The following COMP variants were observed in gnomAD, a reference collection of about 807,000 sequenced individuals.
The protein encoded by COMP is cartilage oligomeric matrix protein (pseudoachondroplasia, epiphyseal dysplasia 1, multiple).
A neutral mutation model predicts 95.8 loss-of-function variants in COMP; 79 were observed. The observed-to-expected ratio is 0.82, with a 90% CI of 0.69 to 0.99. COMP has a LOEUF of 0.99. Among genes scored for constraint, COMP ranks in the 50% least tolerant of loss-of-function variants. COMP has a pLI of 0.00. For missense variants in COMP, 906 were observed against 1,076.1 expected, an observed-to-expected ratio of 0.84 and a Z score of 2.21; for synonymous variants, 438 against 433.9, an observed-to-expected ratio of 1.01 and a Z score of -0.12.
chr19:18,784,177 G>A lies in COMP; in HGVS notation c.2087+14C>T, dbSNP rs770349203. ...GTCCCCAGCCCAGCCCACCACAGAG[G>A]GTGGAGTCCCCACCTGATGTAGCCC... On this transcript the variant is annotated intron_variant, in intron 17 of 18. Coordinates refer to ENST00000222271, the MANE Select transcript of COMP (RefSeq NM_000095.3). The surrounding 1 kb of genome is among the most constrained non-coding windows in gnomAD (Gnocchi z 4.9). 2 of 1,612,980 alleles carry A rather than the reference G, an allele frequency of 1.2e-6. No individual in the cohort carries two copies. Among genetic ancestry groups the A allele is most frequent in the Non-Finnish European group, 1.7e-6 (2 of 1,179,990 alleles).
At position 18,783,854 on chromosome 19, in the gene COMP, C is replaced by T. The variant is rs142184651; in HGVS notation, c.2087+337G>A. On this transcript the variant is annotated intron_variant, in intron 17 of 18. Coordinates refer to ENST00000222271, the MANE Select transcript of COMP (RefSeq NM_000095.3). ...CAAACTCCGGACCTCAGGTGATCCACCCGCCTCGGCCTCCCAAAGTACTGG... is the reference window on the plus strand; with the variant it reads ...CAAACTCCGGACCTCAGGTGATCCATCCGCCTCGGCCTCCCAAAGTACTGG... 8.8e-4 allele frequency among the ~76,000 whole-genome samples: 134 copies of T among 152,280 alleles called. 3 individuals carry two copies. Among genetic ancestry groups the T allele is most frequent in the African/African-American group, 3.0e-3 (125 of 41,562 alleles).
Position 18,790,619 on chromosome 19 carries a change from G to T in COMP, c.166-6C>A. ...AGGAACGTGATCTCCCTGACCTGCA[G>T]GGGTGGGATGGAATCAGCGGGGTCC... On this transcript the variant is annotated splice_region_variant and splice_polypyrimidine_tract_variant and intron_variant, in intron 2 of 18. Coordinates refer to ENST00000222271, the MANE Select transcript of COMP (RefSeq NM_000095.3). 6.2e-7 allele frequency: 1 copy of T among 1,613,944 alleles called. No homozygotes were observed. Among genetic ancestry groups the T allele is most frequent in the Non-Finnish European group, 8.5e-7 (1 of 1,179,894 alleles).
rs1180844881 is a variant in COMP, at chr19:18,784,982, A to G, written c.1828T>C (p.Tyr610His). 6.2e-7 allele frequency: 1 copy of G among 1,614,128 alleles called. No homozygotes were observed. The highest frequency in any genetic ancestry group is 2.2e-5 in the East Asian group (1 of 44,880). Reference protein sequence around the residue: ...IFGYQDSSSFYVVMWKQMEQT... With the variant: ...IFGYQDSSSFHVVMWKQMEQT... ...TCCATCTGCTTCCACATGACCACGT[A>G]GAAGCTGGAGCTGTCCTGGTAGCCA... The change falls in exon 16 of 19, where the codon TAC becomes CAC. Residue 610 changes from tyrosine to histidine, a missense_variant. By Grantham distance (83) the Tyr-to-His change is moderately conservative. Transcript: ENST00000222271. The surrounding 1 kb of genome is among the most constrained non-coding windows in gnomAD (Gnocchi z 4.9).
In COMP at chr19:18,789,339, T is replaced by C. The variant is rs772423693; in HGVS notation, c.391-42A>G. ...CACAGAGGGTCAGAGGGCTTCGAGC[T>C]GGGCCCTGGGGGCCGCACCTCGTAG... On this transcript the variant is annotated intron_variant, in intron 4 of 18. Coordinates refer to ENST00000222271, the MANE Select transcript of COMP (RefSeq NM_000095.3). The surrounding 1 kb of genome is among the most constrained non-coding windows in gnomAD (Gnocchi z 6.1). 1.6e-5 allele frequency: 23 copies of C among 1,426,308 alleles called. 1 individual carries two copies. The South Asian group carries it at 3.7e-4, about 23-fold the overall frequency. 88.4% of individuals were successfully genotyped at this position (1,426,308 alleles called of 1,614,324 possible).
chr19:18,785,566 GA>G lies in COMP; in HGVS notation c.1669-21del. ...CCTTCCCTGATGGGGTCAAAGAAAG[GA>G]GGGCCTCAGGCTGGCCGTGACAGCC... On this transcript the variant is annotated intron_variant, in intron 14 of 18. Transcript: ENST00000222271. The G allele has an allele frequency of 6.2e-7, 1 of 1,613,990 alleles. No individual in the cohort carries two copies. Among genetic ancestry groups the G allele is most frequent in the South Asian group, 1.1e-5 (1 of 91,086 alleles).
chr19:18,784,698 C>G lies in COMP; in HGVS notation c.1914+198G>C, dbSNP rs1254202964. On this transcript the variant is annotated intron_variant, in intron 16 of 18. Coordinates refer to ENST00000222271, the MANE Select transcript of COMP (RefSeq NM_000095.3). This position sits in a 1 kb window ranked among gnomAD's most constrained non-coding sequence, Gnocchi z 4.9. ...AGGGTCCATAGGAAGACTGGGGGGC[C>G]CTGAGAATGTTTGAGAATTTGTGCA... Among the ~76,000 whole-genome samples the G allele has an allele frequency of 6.6e-6, 1 of 151,662 alleles. No individual in the cohort carries two copies. Among genetic ancestry groups the G allele is most frequent in the Non-Finnish European group, 1.5e-5 (1 of 67,932 alleles).
At chr19:18,787,707 C>A in intron 9 of COMP, 57 bp from the exon 10 acceptor site, 1 of 1,604,008 alleles carries the variant, frequency 6.2e-7, no homozygotes, top group Non-Finnish European at 8.5e-7. Flanking sequence ...AGGTCACACT[C>A]CTCAGATTCC....
chr19:18,790,467 C>G, intron 3 of COMP, 95 bp downstream of exon 3: 1 of 1,521,316 alleles, frequency 6.6e-7, no homozygotes, highest in East Asian at 2.3e-5. Flanking sequence ...CTCCTTCCGT[C>G]TCTTTTCCTC....
At chr19:18,787,432 G>T (rs1024288093) in intron 10 of COMP, 59 bp downstream of exon 10, 46 of 1,597,980 alleles carry the variant, frequency 2.9e-5, no homozygotes, top group Non-Finnish European at 3.4e-6. Context: ...CCCCGGAGCC[G>T]AATCCCGCCC....
Position 18,791,217 on chromosome 19 carries a change from G to T in COMP, c.53C>A (p.Ala18Glu), listed in dbSNP as rs960486736. The T allele has an allele frequency of 6.3e-7, 1 of 1,594,176 alleles. No homozygotes were observed. The highest frequency in any genetic ancestry group is 8.5e-7 in the Non-Finnish European group (1 of 1,172,028). ...VLLLTLAALG[A>E]SGQGQSPLGS... Reference sequence around the variant, plus strand: ...CAACGGGCTCTGGCCCTGTCCGGACGCGCCGAGGGCAGCCAGGGTGAGCAG... The same window carrying T: ...CAACGGGCTCTGGCCCTGTCCGGACTCGCCGAGGGCAGCCAGGGTGAGCAG... Residue 18 changes from alanine to glutamate, a missense_variant, in exon 1 of 19, where the codon GCG becomes GAG. Ala to Glu is a moderately radical substitution (Grantham distance 107). Transcript: ENST00000222271.
Position 18,789,372 on chromosome 19 carries a change from G to A in COMP, c.391-75C>T. On this transcript the variant is annotated intron_variant, in intron 4 of 18. Transcript: ENST00000222271. This position sits in a 1 kb window ranked among gnomAD's most constrained non-coding sequence, Gnocchi z 6.1. ...GGGGGCCGCACCTCGTAGTGTCTCG[G>A]ATGTGGAAAGTTCAAGGGCCATATG... is the stretch of plus-strand genomic sequence containing the variant. The A allele has an allele frequency of 7.3e-7, 1 of 1,378,016 alleles. No individual in the cohort carries two copies. Among genetic ancestry groups the A allele is most frequent in the Non-Finnish European group, 9.5e-7 (1 of 1,047,928 alleles). The allele number at this position is 1,378,016 out of a possible 1,614,324, so 85.4% of individuals were successfully genotyped here.
At position 18,789,074 on chromosome 19, in the gene COMP, AG is replaced by A; in HGVS notation, c.528+85del. The A allele has an allele frequency of 1.9e-6, 3 of 1,554,544 alleles. No individual in the cohort carries two copies. Among genetic ancestry groups the A allele is most frequent in the Non-Finnish European group, 2.6e-6 (3 of 1,147,900 alleles). ...TCCTCTCCCCACCCCTCCCGCTGGA[AG>A]GAGGCTGGAAGAGGAGTTTACTGGT... On this transcript the variant is annotated intron_variant, in intron 5 of 18. Coordinates refer to ENST00000222271, the MANE Select transcript of COMP (RefSeq NM_000095.3). The surrounding 1 kb of genome is among the most constrained non-coding windows in gnomAD (Gnocchi z 6.1).
intron 10 of COMP, 94 bp downstream of exon 10, chr19:18,787,397 G>T: frequency 6.4e-7 from 1 of 1,572,220 alleles, no homozygotes; most frequent in Non-Finnish European, 8.6e-7. Flanking sequence ...TACCCCATCC[G>T]GCTTCCAAAA....
At chr19:18,785,160 A>C (rs913169605) in intron 15 of COMP, 68 bp from the exon 16 acceptor site, 42 of 1,485,220 alleles carry the variant, frequency 2.8e-5, no homozygotes, top group Non-Finnish European at 3.8e-5. Flanking sequence ...TGGCACCCAG[A>C]ACCCAAACCT....
rs760059984 is a variant in COMP at position 18,788,848 on chromosome 19, G to A, written c.594C>T (p.Ile198=). 18 of 1,613,810 alleles carry A rather than the reference G, an allele frequency of 1.1e-5. No homozygotes were observed. The Admixed American group carries it at 2.2e-4, about 19-fold the overall frequency. ...CCCCAGCGGGCCTTACCCGGGTGTT[G>A]ATGCACACGGAGTTGGGGACGCAGT... ...QHNCVPNSVC[I]NTRGSFQCGP... Residue 198 remains isoleucine (I), a synonymous_variant, in exon 6 of 19, where the codon ATC becomes ATT. Transcript: ENST00000222271. This position sits in a 1 kb window ranked among gnomAD's most constrained non-coding sequence, Gnocchi z 4.7.
chr19:18,787,426 G>A, intron 10 of COMP, 65 bp downstream of exon 10: 1 of 1,596,158 alleles, frequency 6.3e-7, no homozygotes, highest in Admixed American at 1.7e-5. Flanking sequence ...GCCCCGCCCC[G>A]GAGCCGAATC....
chr19:18,785,468 G>A (rs777719687), intron 15 of COMP, 30 bp downstream of exon 15: 1 of 1,612,198 alleles, frequency 6.2e-7, no homozygotes, highest in East Asian at 2.2e-5. Flanking sequence ...CCCGCTCCGT[G>A]GCAGGATAGC....
chr19:18,790,960 G>C, intron 1 of COMP, 25 bp from the exon 2 acceptor site: 1 of 1,548,828 alleles, frequency 6.5e-7, no homozygotes, highest in Non-Finnish European at 8.7e-7. Flanking sequence ...GACCTGGTGA[G>C]GCGTCATGGG....
intron 3 of COMP, 111 bp from the exon 4 acceptor site, chr19:18,790,225 C>G (rs1367691909): frequency 1.2e-6 from 1 of 855,390 alleles, no homozygotes; most frequent in East Asian, 2.9e-5. Flanking sequence ...CCCCCACCCC[C>G]CGCCCCGGGG....
Sources: allele counts gnomAD v4.1 joint callset (sites outside exome capture counted in the v4.1 genomes callset), GRCh38; gene constraint gnomAD v4.1.1; non-coding constraint Gnocchi (gnomAD v3.1); transcripts MANE v1.5; gene names NCBI Gene and HGNC (gene_info 2026-07-23, HGNC 2026-07-21).